CNTN4: variants seen among roughly 807,000 people sequenced by gnomAD.
The protein encoded by CNTN4 is contactin-4.
In CNTN4, 77 loss-of-function variants were observed where a neutral mutation model predicts 122.5. That is an observed-to-expected ratio of 0.63 (90% confidence interval 0.52 to 0.76). The LOEUF is 0.76. CNTN4 is among the 30% of genes least tolerant of loss of function. The pLI is 0.00. For missense variants in CNTN4, 1,256 were observed against 1,259.1 expected, an observed-to-expected ratio of 1.00 and a Z score of 0.04; for synonymous variants, 512 against 447.0, an observed-to-expected ratio of 1.15 and a Z score of -1.83.
chr3:2,577,409 A>G (rs927882544), intron 4 of CNTN4, among the ~76,000 whole-genome samples: 2 of 152,210 alleles, frequency 1.3e-5, no homozygotes, highest in Admixed American at 6.5e-5. Context: ...GTGTAGTTAT[A>G]TCTATAAATA....
intron 4 of CNTN4, among the ~76,000 whole-genome samples, chr3:2,650,160 C>T (rs1219945586): frequency 6.6e-6 from 1 of 150,868 alleles, no homozygotes; most frequent in East Asian, 1.9e-4. Context: ...ATCAACCTTA[C>T]CAGGATTTTG....
intron 12 of CNTN4, among the ~76,000 whole-genome samples, chr3:2,908,140 C>A (rs112717653): frequency 1.3e-5 from 2 of 152,202 alleles, no homozygotes; most frequent in South Asian, 4.1e-4. Flanking sequence ...TCCTCTCCCC[C>A]ACTCATGAAG....
intron 4 of CNTN4, among the ~76,000 whole-genome samples, chr3:2,617,312 C>G (rs2081797926): frequency 6.6e-6 from 1 of 150,998 alleles, no homozygotes; most frequent in Non-Finnish European, 1.5e-5. Context: ...ACAACCCCAT[C>G]AAAAAGTGAG....
intron 2 of CNTN4, among the ~76,000 whole-genome samples, chr3:2,278,522 G>T (rs1014033511): frequency 1.2e-4 from 19 of 152,196 alleles, no homozygotes; most frequent in African/African-American, 4.6e-4. Context: ...ACATGTTTTA[G>T]ATAAGTGGTA....
chr3:2,776,324 CT>C, intron 6 of CNTN4, among the ~76,000 whole-genome samples: 1 of 85,392 alleles, frequency 1.2e-5, no homozygotes, highest in Admixed American at 1.1e-4. Context: ...TTTTTTTTTT[CT>C]TTTTGGAAAG....
intron 2 of CNTN4, among the ~76,000 whole-genome samples, chr3:2,147,960 G>T (rs1559287682): frequency 1.3e-5 from 2 of 152,066 alleles, no homozygotes; most frequent in African/African-American, 4.8e-5. Flanking sequence ...GTTTCATCGT[G>T]ACTCTTCTAA....
intron 2 of CNTN4, among the ~76,000 whole-genome samples, chr3:2,160,496 G>A (rs1339993932): frequency 6.6e-6 from 1 of 152,068 alleles, no homozygotes; most frequent in Non-Finnish European, 1.5e-5. Flanking sequence ...TTAAAATGAA[G>A]ATTATCATAT....
chr3:2,329,998 A>G (rs2043650557), intron 2 of CNTN4, among the ~76,000 whole-genome samples: 1 of 152,140 alleles, frequency 6.6e-6, no homozygotes, highest in Admixed American at 6.5e-5. Context: ...CAGAACCCAC[A>G]TGTTAAGAGC....
At chr3:2,151,117 G>C (rs896903499) in intron 2 of CNTN4, among the ~76,000 whole-genome samples, 1 of 152,104 alleles carries the variant, frequency 6.6e-6, no homozygotes, top group Non-Finnish European at 1.5e-5. Context: ...TAGAGATGGG[G>C]TTTTGCCATG....
At chr3:2,241,315 G>C (rs1278296670) in intron 2 of CNTN4, among the ~76,000 whole-genome samples, 1 of 151,988 alleles carries the variant, frequency 6.6e-6, no homozygotes, top group Non-Finnish European at 1.5e-5. Context: ...TGGTATTCCA[G>C]GCATTGGATA....
chr3:2,356,831 A>G (rs1018123379), intron 3 of CNTN4, among the ~76,000 whole-genome samples: 3 of 152,184 alleles, frequency 2.0e-5, no homozygotes, highest in African/African-American at 4.8e-5. Context: ...AAAAGGAGGG[A>G]TAAGGGAATA....
intron 3 of CNTN4, among the ~76,000 whole-genome samples, chr3:2,466,948 TTC>T (rs1491479055): frequency 7.2e-6 from 1 of 138,822 alleles, no homozygotes; most frequent in Non-Finnish European, 1.5e-5. Flanking sequence ...ATTAGTTTTT[TTC>T]TTTCTTTCTT....
chr3:2,876,274 C>G (rs1458271711), intron 8 of CNTN4, among the ~76,000 whole-genome samples: 1 of 152,168 alleles, frequency 6.6e-6, no homozygotes, highest in Non-Finnish European at 1.5e-5. Context: ...GGACAGTCCA[C>G]TAGACTACAT....
rs192209790 is a variant in CNTN4, at chr3:2,170,050, G to T, written c.-145+69411G>T. Among the ~76,000 whole-genome samples, 55 of 151,298 alleles carry T rather than the reference G, an allele frequency of 3.6e-4. No homozygotes were observed. The East Asian group carries it at 5.9e-3, about 16-fold the overall frequency. On this transcript the variant is annotated intron_variant, in intron 2 of 24. Transcript: ENST00000418658. ...CAAAAAAGTAAGGGAGGCCGGGCGC[G>T]GTGGCTCACGCCTGTAATCCCAGCA... is the stretch of plus-strand genomic sequence containing the variant.
chr3:2,919,066 G>A (rs1356226850), intron 12 of CNTN4, among the ~76,000 whole-genome samples: 1 of 151,972 alleles, frequency 6.6e-6, no homozygotes, highest in Non-Finnish European at 1.5e-5. Flanking sequence ...CTTTTTGGCT[G>A]GTCATGGTGG....
At chr3:2,609,385 A>G (rs1301581878) in intron 4 of CNTN4, among the ~76,000 whole-genome samples, 1 of 152,090 alleles carries the variant, frequency 6.6e-6, no homozygotes, top group East Asian at 1.9e-4. Flanking sequence ...CAGACCTCAA[A>G]TTTGCCGGCA....
At chr3:2,146,107 T>C (rs2035236010) in intron 2 of CNTN4, among the ~76,000 whole-genome samples, 1 of 151,818 alleles carries the variant, frequency 6.6e-6, no homozygotes, top group Non-Finnish European at 1.5e-5. Flanking sequence ...TTTATTTTAT[T>C]TTTAAAATAA....
At chr3:2,324,364 T>G (rs2043378548) in intron 2 of CNTN4, among the ~76,000 whole-genome samples, 1 of 152,162 alleles carries the variant, frequency 6.6e-6, no homozygotes, top group African/African-American at 2.4e-5. Context: ...ATACTTTTGT[T>G]CTACATAACA....
At chr3:2,689,115 A>G (rs2085589318) in intron 4 of CNTN4, among the ~76,000 whole-genome samples, 2 of 152,314 alleles carry the variant, frequency 1.3e-5, no homozygotes, top group East Asian at 1.9e-4. Flanking sequence ...CTTGAAAGCA[A>G]CTTAGTTCTG....
Sources: allele counts gnomAD v4.1 joint callset (sites outside exome capture counted in the v4.1 genomes callset), GRCh38; gene constraint gnomAD v4.1.1; transcripts MANE v1.5; gene names NCBI Gene and HGNC (gene_info 2026-07-23, HGNC 2026-07-21).